Variants in NUP62CL observed in about 807,000 individuals in gnomAD.
NUP62CL encodes nucleoporin-62 C-terminal-like protein.
Under a neutral mutation model 15.3 loss-of-function variants are expected in NUP62CL, and 13 were observed. The observed-to-expected ratio is 0.85, with a 90% CI of 0.55 to 1.35. The LOEUF (loss-of-function observed/expected upper bound fraction) is 1.35. Among genes scored for constraint, NUP62CL ranks in the 40% most tolerant of loss-of-function variants. The probability of loss-of-function intolerance (pLI) is 0.00; values close to 1 mark genes in which losing one functional copy is unlikely to be tolerated. For synonymous variants in NUP62CL, 54 were observed against 49.2 expected (o/e 1.10, Z -0.41); for missense variants, 123 against 130.6 (o/e 0.94, Z 0.28).
At chrX:107,154,914 T>C (rs868569174) in intron 4 of NUP62CL, among the ~76,000 whole-genome samples, 1 of 111,381 alleles carries the variant, frequency 9.0e-6, no homozygotes, top group Non-Finnish European at 1.9e-5. Flanking sequence ...TGAACCTAAA[T>C]CCCTACCCAG....
chrX:107,198,417 C>T (rs1294568109), intron 1 of NUP62CL, among the ~76,000 whole-genome samples: 1 of 111,811 alleles, frequency 8.9e-6, no homozygotes, highest in African/African-American at 3.3e-5. Flanking sequence ...GAGTCCCCTT[C>T]CAGGCTGTGG....
intron 4 of NUP62CL, among the ~76,000 whole-genome samples, chrX:107,159,584 T>C (rs1314956695): frequency 3.1e-5 from 2 of 64,689 alleles, no homozygotes; most frequent in Admixed American, 2.0e-4. Context: ...TCAACAACCC[T>C]TCATGCTAAA....
At chrX:107,136,255 C>G (rs1391259963) in intron 8 of NUP62CL, among the ~76,000 whole-genome samples, 2 of 111,236 alleles carry the variant, frequency 1.8e-5, no homozygotes, top group African/African-American at 3.3e-5. Flanking sequence ...ACAGATCCTA[C>G]TGCCATTAAA....
At chrX:107,193,515 T>C (rs1468456125) in intron 1 of NUP62CL, among the ~76,000 whole-genome samples, 1 of 112,036 alleles carries the variant, frequency 8.9e-6, no homozygotes, top group Non-Finnish European at 1.9e-5. Context: ...CCCAAACTGC[T>C]ACAGAAGATA....
At chrX:107,171,179 C>G (rs1270961739) in intron 3 of NUP62CL, among the ~76,000 whole-genome samples, 2 of 111,864 alleles carry the variant, frequency 1.8e-5, no homozygotes, top group Non-Finnish European at 3.8e-5. Context: ...TCTACAGATA[C>G]AGATGCTTGA....
intron 2 of NUP62CL, among the ~76,000 whole-genome samples, chrX:107,180,090 A>T (rs759315255): frequency 1.8e-5 from 2 of 112,241 alleles, no homozygotes; most frequent in Non-Finnish European, 1.9e-5. Context: ...ATTGCAAATT[A>T]TAACTACATT....
intron 7 of NUP62CL, among the ~76,000 whole-genome samples, chrX:107,150,510 T>C (rs914395472): frequency 8.9e-6 from 1 of 112,123 alleles, no homozygotes; most frequent in African/African-American, 3.2e-5. Context: ...TGCTAATTTC[T>C]TTCTAGAGAC....
chrX:107,189,872 GAAA>G (rs1569365588), intron 2 of NUP62CL, among the ~76,000 whole-genome samples: 139 of 55,965 alleles, frequency 2.5e-3, no homozygotes, highest in Middle Eastern at 0.016. Flanking sequence ...GAAGGAAAAA[GAAA>G]GAAAAGAAAG....
chrX:107,199,537 C>T (rs1193428658), intron 1 of NUP62CL, among the ~76,000 whole-genome samples: 1 of 112,045 alleles, frequency 8.9e-6, no homozygotes, highest in East Asian at 2.8e-4. Flanking sequence ...CTTAGCCATA[C>T]GATTTATTAA....
At chrX:107,154,572 C>T (rs749813430) in intron 4 of NUP62CL, among the ~76,000 whole-genome samples, 61 of 111,947 alleles carry the variant, frequency 5.4e-4, no homozygotes, top group Non-Finnish European at 9.2e-4. Context: ...AAGCTCCTTT[C>T]TGGGTAGGCA....
chrX:107,137,651 T>C (rs1925672618), intron 8 of NUP62CL, among the ~76,000 whole-genome samples: 1 of 111,654 alleles, frequency 9.0e-6, no homozygotes, highest in Non-Finnish European at 1.9e-5. Flanking sequence ...AATACTAAGG[T>C]ATAAATCTAA....
intron 7 of NUP62CL, among the ~76,000 whole-genome samples, chrX:107,150,162 G>T (rs1925976389): frequency 8.9e-6 from 1 of 111,892 alleles, no homozygotes; most frequent in African/African-American, 3.2e-5. Context: ...ATTAAGGATT[G>T]CCTGGTTGTG....
chrX:107,148,151 AAT>A (rs1403334495), intron 7 of NUP62CL, among the ~76,000 whole-genome samples: 2 of 111,721 alleles, frequency 1.8e-5, no homozygotes, highest in Non-Finnish European at 3.8e-5. Context: ...CCAAATCAGC[AAT>A]TTTTTAAAAA....
chrX:107,179,868 T>C (rs1054289521), intron 2 of NUP62CL, among the ~76,000 whole-genome samples: 8 of 112,165 alleles, frequency 7.1e-5, no homozygotes, highest in African/African-American at 2.6e-4. Flanking sequence ...TAAAAGTGTA[T>C]ATCAAGGCTA....
chrX:107,152,969 GA>G (rs1402527264), intron 7 of NUP62CL, among the ~76,000 whole-genome samples: 1 of 112,061 alleles, frequency 8.9e-6, no homozygotes, highest in Non-Finnish European at 1.9e-5. Context: ...AAAATTGCCA[GA>G]ATGATTTCCT....
chrX:107,131,773 A>G, intron 8 of NUP62CL: 2 of 1,105,901 alleles, frequency 1.8e-6, no homozygotes, highest in Admixed American at 2.2e-5. Flanking sequence ...GGTTTTGGGC[A>G]TTGACACTGA....
intron 7 of NUP62CL, among the ~76,000 whole-genome samples, chrX:107,148,650 T>A (rs1033022893): frequency 8.9e-6 from 1 of 111,765 alleles, no homozygotes; most frequent in African/African-American, 3.2e-5. Flanking sequence ...CAGTATATTA[T>A]CAGGGTACTG....
chrX:107,157,904 C>T (rs1248959385), intron 4 of NUP62CL, among the ~76,000 whole-genome samples: 1 of 109,503 alleles, frequency 9.1e-6, no homozygotes. Flanking sequence ...CAGAGACACA[C>T]ATAGGCTCAA....
At chrX:107,171,478 T>G (rs185996291) in intron 3 of NUP62CL, among the ~76,000 whole-genome samples, 24 of 111,714 alleles carry the variant, frequency 2.1e-4, no homozygotes, top group Non-Finnish European at 4.3e-4. Flanking sequence ...CTCAAAATCA[T>G]GACAAAAAGT....
Sources: gnomAD v4.1 joint callset for allele counts (sites outside exome capture counted in the v4.1 genomes callset) on GRCh38, gnomAD v4.1.1 for gene constraint, MANE v1.5 for transcripts, NCBI Gene and HGNC (gene_info 2026-07-23, HGNC 2026-07-21) for gene names.